Variants in SLC9A1 observed in about 807,000 individuals in gnomAD.
SLC9A1 encodes the protein solute carrier family 9 member A1, also known as sodium/hydrogen exchanger 1.
In SLC9A1, 22 loss-of-function variants were observed where a neutral mutation model predicts 67.9. That is an observed-to-expected ratio of 0.32 (90% CI 0.23 to 0.46). The LOEUF (loss-of-function observed/expected upper bound fraction) is 0.46, where lower values mean the gene tolerates loss of function less well. SLC9A1 is among the 20% of genes least tolerant of loss of function. The probability of loss-of-function intolerance (pLI) is 1.00; values close to 1 mark genes in which losing one functional copy is unlikely to be tolerated. For missense variants in SLC9A1, 686 were observed against 1,094.8 expected (o/e 0.63, Z 5.27); for synonymous variants, 421 against 471.8 (o/e 0.89, Z 1.40).
rs193087174 is a variant in SLC9A1 at position 27,147,143 on chromosome 1, C to A, written c.352+6840G>T. Among the ~76,000 whole-genome samples the A allele has an allele frequency of 1.6e-3, 237 of 150,598 alleles. 1 individual carries two copies. The highest frequency in any genetic ancestry group is 5.3e-3 in the African/African-American group (219 of 41,012). ...ACAAACAAACAAACAAACAAAAAAA[C>A]CAAAAAATTAGCCAGGCATGATGGT... On this transcript the variant is annotated intron_variant, in intron 1 of 11. Coordinates refer to ENST00000263980, the MANE Select transcript of SLC9A1 (RefSeq NM_003047.5).
intron 2 of SLC9A1, 130 bp downstream of exon 2, chr1:27,113,696 C>T: frequency 1.4e-6 from 1 of 721,256 alleles, no homozygotes; most frequent in South Asian, 1.8e-5. Flanking sequence ...TGGTGCCTGG[C>T]ATACGGGAAG....
chr1:27,101,179 T>C lies in SLC9A1; in HGVS notation c.2110+24A>G. The C allele has an allele frequency of 6.3e-7, 1 of 1,597,652 alleles. No individual in the cohort carries two copies. ...GGTGGCAGCTCAGAGTGCCCAGTCC[T>C]GAGGCCCCTCGCCAGGCCCTTACCT... On this transcript the variant is annotated intron_variant, in intron 11 of 11. Coordinates refer to ENST00000263980, the MANE Select transcript of SLC9A1 (RefSeq NM_003047.5). The surrounding 1 kb of genome is among the most constrained non-coding windows in gnomAD (Gnocchi z 4.9).
chr1:27,149,426 G>T (rs1193048091), intron 1 of SLC9A1, among the ~76,000 whole-genome samples: 1 of 152,210 alleles, frequency 6.6e-6, no homozygotes, highest in Non-Finnish European at 1.5e-5. Context: ...TTTATAAAGT[G>T]CCTGACACTA....
chr1:27,107,621 C>T (rs760782003), intron 4 of SLC9A1, 27 bp downstream of exon 4: 53 of 1,524,688 alleles, frequency 3.5e-5, no homozygotes, highest in Middle Eastern at 4.2e-4. Context: ...ACCACAACCC[C>T]CACCCCGCCC....
Position 27,114,363 on chromosome 1 carries a change from G to T in SLC9A1, c.353-77C>A, listed in dbSNP as rs761074437. ...AATAGAAGGTTGGGGATGGGCCGGG[G>T]ATGAGGAGCGCAGTTGGTGAGAGGT... On this transcript the variant is annotated intron_variant, in intron 1 of 11. Transcript: ENST00000263980. The surrounding 1 kb of genome is among the most constrained non-coding windows in gnomAD (Gnocchi z 5.4). 1.2e-5 allele frequency: 14 copies of T among 1,197,348 alleles called. No individual in the cohort carries two copies. The highest frequency in any genetic ancestry group is 1.7e-5 in the Non-Finnish European group (14 of 841,020). 74.2% of individuals were successfully genotyped at this position (1,197,348 alleles called of 1,614,324 possible).
At position 27,100,368 on chromosome 1, in the gene SLC9A1, C is replaced by G. The variant is rs762063594; in HGVS notation, c.2387G>C (p.Ser796Thr). 3.8e-6 allele frequency: 6 copies of G among 1,571,072 alleles called. No individual in the cohort carries two copies. The South Asian group carries it at 7.2e-5, about 19-fold the overall frequency. The change falls in exon 12 of 12, where the codon AGT becomes ACT. Residue 796 changes from serine to threonine, a missense_variant. By Grantham distance (58) the Ser-to-Thr change is moderately conservative (BLOSUM62 1). Coordinates refer to ENST00000263980, the MANE Select transcript of SLC9A1 (RefSeq NM_003047.5). The surrounding 1 kb of genome is among the most constrained non-coding windows in gnomAD (Gnocchi z 5.6). Reference protein sequence around the residue: ...PSSQRIQRCLSDPGPHPEPGE... With the variant: ...PSSQRIQRCLTDPGPHPEPGE... Reference sequence around the variant, plus strand: ...AGGCTCAGGGTGTGGGCCTGGGTCACTGAGGCAGCGCTGTATCCTCTGGGA... The same window carrying G: ...AGGCTCAGGGTGTGGGCCTGGGTCAGTGAGGCAGCGCTGTATCCTCTGGGA...
Position 27,117,635 on chromosome 1 carries a change from G to A in SLC9A1, c.353-3349C>T, listed in dbSNP as rs143129924. Among the ~76,000 whole-genome samples the A allele has an allele frequency of 1.5e-3, 225 of 152,188 alleles. 1 individual carries two copies. Among genetic ancestry groups the A allele is most frequent in the African/African-American group, 5.0e-3 (207 of 41,516 alleles). On this transcript the variant is annotated intron_variant, in intron 1 of 11. Transcript: ENST00000263980. ...AAGACGGCTCCTCAGGTCTGAGGGC[G>A]TCCCATGAGCCAGAACTGTGCTGGG...
At position 27,098,950 on chromosome 1, in the gene SLC9A1, C is replaced by G. The variant is rs2083117127; in HGVS notation, c.*1357G>C. ...TGCATGGTGACTCCTGCCCAAACAG[C>G]ACTTGCATGGAGAGGAGGATGGACA... On this transcript the variant is annotated 3_prime_UTR_variant, in exon 12 of 12. Coordinates refer to ENST00000263980, the MANE Select transcript of SLC9A1 (RefSeq NM_003047.5). 6.5e-6 allele frequency: 1 copy of G among 152,706 alleles called. No individual in the cohort carries two copies. The highest frequency in any genetic ancestry group is 2.1e-4 in the South Asian group (1 of 4,838). The allele number at this position is 152,706 out of a possible 1,614,324, so 9.5% of individuals were successfully genotyped here.
intron 5 of SLC9A1, 107 bp from the exon 6 acceptor site, chr1:27,103,419 G>A (rs974445048): frequency 1.2e-6 from 1 of 805,026 alleles, no homozygotes; most frequent in Admixed American, 1.8e-5. Context: ...TGCCCTCTCT[G>A]CTCTGCTCTC....
At position 27,109,598 on chromosome 1, in the gene SLC9A1, C is replaced by T. The variant is rs377157001; in HGVS notation, c.993G>A (p.Pro331=). The stretch of plus-strand genomic sequence containing the variant: ...TGTAGCTGTAGAGGAAGACGAAGAG[C>T]GGCTCGATGACCCGGATGTGGGAGG... ...RFTSHIRVIE[P]LFVFLYSYMA... Residue 331 remains proline, a synonymous_variant, in exon 3 of 12, where the codon CCG becomes CCA. Coordinates refer to ENST00000263980, the MANE Select transcript of SLC9A1 (RefSeq NM_003047.5). The surrounding 1 kb of genome is among the most constrained non-coding windows in gnomAD (Gnocchi z 5.5). The T allele has an allele frequency of 7.3e-5, 117 of 1,613,766 alleles. No homozygotes were observed. Among genetic ancestry groups the T allele is most frequent in the South Asian group, 1.9e-4 (17 of 91,084 alleles).
At chr1:27,102,586 G>T in intron 7 of SLC9A1, 28 bp from the exon 8 acceptor site, 1 of 1,609,540 alleles carries the variant, frequency 6.2e-7, no homozygotes, top group Non-Finnish European at 8.5e-7. Flanking sequence ...GAGACGGATG[G>T]CGCCAGCTTC....
At chr1:27,141,405 G>C (rs1343117928) in intron 1 of SLC9A1, among the ~76,000 whole-genome samples, 1 of 152,160 alleles carries the variant, frequency 6.6e-6, no homozygotes, top group Non-Finnish European at 1.5e-5. Context: ...TCTGCCCCAA[G>C]TAGAAGCTTC....
intron 5 of SLC9A1, 177 bp from the exon 6 acceptor site, chr1:27,103,489 C>T (rs945505155): frequency 3.3e-6 from 2 of 608,894 alleles, no homozygotes; most frequent in Non-Finnish European, 5.9e-6. Context: ...AAAGACAGGT[C>T]CTTAAGGCCT....
chr1:27,127,467 A>G (rs1388278520), intron 1 of SLC9A1, among the ~76,000 whole-genome samples: 1 of 152,246 alleles, frequency 6.6e-6, no homozygotes, highest in African/African-American at 2.4e-5. Flanking sequence ...CCAAGATCAC[A>G]TGGGTAGCAG....
chr1:27,112,907 G>A (rs1392091211), intron 2 of SLC9A1, among the ~76,000 whole-genome samples: 4 of 149,482 alleles, frequency 2.7e-5, no homozygotes, highest in African/African-American at 9.9e-5. Flanking sequence ...AAAAAAAAAG[G>A]TGAGGGCCAC....
intron 2 of SLC9A1, among the ~76,000 whole-genome samples, chr1:27,112,417 G>A (rs957797495): frequency 6.6e-6 from 1 of 152,186 alleles, no homozygotes; most frequent in African/African-American, 2.4e-5. Context: ...GCTCTGAGCG[G>A]GACAGCTCAG....
At chr1:27,146,296 G>A (rs374483328) in intron 1 of SLC9A1, among the ~76,000 whole-genome samples, 8 of 152,236 alleles carry the variant, frequency 5.3e-5, no homozygotes, top group African/African-American at 7.2e-5. Context: ...CTAGTTCCCC[G>A]TCACTCCTGT....
chr1:27,151,969 CAG>C (rs1409239781), intron 1 of SLC9A1, among the ~76,000 whole-genome samples: 1 of 152,156 alleles, frequency 6.6e-6, no homozygotes, highest in African/African-American at 2.4e-5. Context: ...AGTGACTTGC[CAG>C]AGTTTCCAGA....
In SLC9A1 at chr1:27,116,404, A is replaced by G. The variant is rs1417322818; in HGVS notation, c.353-2118T>C. Among the ~76,000 whole-genome samples, 5 of 152,224 alleles carry G rather than the reference A, an allele frequency of 3.3e-5. No homozygotes were observed. In the East Asian group the frequency reaches 7.7e-4, roughly 24 times the overall value. The stretch of plus-strand genomic sequence containing the variant: ...CATCTTGAAAAAAAAAAGTTCACAC[A>G]CTGAACACTATCCAGGCCCAGAATC... On this transcript the variant is annotated intron_variant, in intron 1 of 11. Coordinates refer to ENST00000263980, the MANE Select transcript of SLC9A1 (RefSeq NM_003047.5).
Sources: allele counts gnomAD v4.1 joint callset (sites outside exome capture counted in the v4.1 genomes callset), GRCh38; gene constraint gnomAD v4.1.1; non-coding constraint Gnocchi (gnomAD v3.1); transcripts MANE v1.5; gene names NCBI Gene and HGNC (gene_info 2026-07-23, HGNC 2026-07-21).